PCDH15: variants seen among roughly 807,000 people sequenced by gnomAD.
PCDH15 encodes the protein protocadherin related 15.
In PCDH15, 129 loss-of-function variants were observed where a neutral mutation model predicts 178.5. The observed-to-expected ratio is 0.72, with a 90% CI of 0.63 to 0.84. The LOEUF is 0.84. Ranked by LOEUF, PCDH15 falls within the 40% of genes least tolerant of loss-of-function variation. PCDH15 has a pLI of 0.00. For synonymous variants in PCDH15, 800 were observed against 732.0 expected (o/e 1.09, Z -1.50); for missense variants, 2,230 against 2,099.9 (o/e 1.06, Z -1.21).
chr10:53,823,439 C>CATTACTATTAAATACTTAAAA, intron 32 of PCDH15: 7 of 1,289,034 alleles, frequency 5.4e-6, no homozygotes, highest in Non-Finnish European at 7.9e-6. Context: ...TTATGGCTCT[C>CATTACTATTAAATACTTAAAA]ATTACTATTA....
chr10:54,943,744 G>T (rs1838118708), intron 2 of PCDH15, among the ~76,000 whole-genome samples: 1 of 151,712 alleles, frequency 6.6e-6, no homozygotes, highest in African/African-American at 2.4e-5. Context: ...GAATAAAGTG[G>T]TGATTCCTCT....
chr10:53,978,734 C>A (rs1457207717), intron 21 of PCDH15, among the ~76,000 whole-genome samples: 1 of 150,262 alleles, frequency 6.7e-6, no homozygotes, highest in Non-Finnish European at 1.5e-5. Flanking sequence ...CTTTTGAACA[C>A]TTTGCTACTT....
chr10:55,159,363 ATCTATC>A (rs1401940110), intron 2 of PCDH15, among the ~76,000 whole-genome samples: 15 of 1,784 alleles, frequency 8.4e-3, no homozygotes, highest in African/African-American at 0.012. Flanking sequence ...CTATCTATCT[ATCTATC>A]TATATATATA....
At chr10:53,900,183 A>T (rs1045755993) in intron 26 of PCDH15, among the ~76,000 whole-genome samples, 6 of 145,468 alleles carry the variant, frequency 4.1e-5, no homozygotes, top group Admixed American at 2.7e-4. Context: ...TTGCATAAAC[A>T]CATTCTTTCT....
intron 2 of PCDH15, among the ~76,000 whole-genome samples, chr10:54,636,982 C>T (rs1314423511): frequency 6.6e-6 from 1 of 151,686 alleles, no homozygotes; most frequent in Non-Finnish European, 1.5e-5. Flanking sequence ...TGTGATTCTC[C>T]CAAGTATATA....
intron 2 of PCDH15, among the ~76,000 whole-genome samples, chr10:55,378,616 A>C (rs924891305): frequency 6.6e-6 from 1 of 152,152 alleles, no homozygotes; most frequent in Non-Finnish European, 1.5e-5. Flanking sequence ...AGTAAACAAA[A>C]AAATTCTATA....
At chr10:55,127,690 A>T (rs1170623047) in intron 2 of PCDH15, among the ~76,000 whole-genome samples, 6 of 152,148 alleles carry the variant, frequency 3.9e-5, no homozygotes, top group Non-Finnish European at 7.4e-5. Context: ...TTGCATGCAG[A>T]TTAAATTATC....
intron 8 of PCDH15, among the ~76,000 whole-genome samples, chr10:54,311,338 A>C (rs2133499825): frequency 6.6e-6 from 1 of 152,236 alleles, no homozygotes; most frequent in East Asian, 1.9e-4. Flanking sequence ...AAAAACAGCC[A>C]ACCAATCAAG....
chr10:54,523,655 CA>C (rs2083102484), intron 3 of PCDH15, among the ~76,000 whole-genome samples: 1 of 151,994 alleles, frequency 6.6e-6, no homozygotes, highest in African/African-American at 2.4e-5. Context: ...ATTTTAAGTC[CA>C]AAATATTTTC....
chr10:55,574,524 T>C (rs937246298), intron 2 of PCDH15, among the ~76,000 whole-genome samples: 2 of 152,020 alleles, frequency 1.3e-5, no homozygotes, highest in Admixed American at 6.6e-5. Context: ...TGAAGGATAA[T>C]GTAGGTAGGC....
At chr10:54,768,419 C>T (rs559372250) in intron 1 of PCDH15, among the ~76,000 whole-genome samples, 16 of 152,232 alleles carry the variant, frequency 1.1e-4, no homozygotes, top group Admixed American at 2.6e-4. Context: ...TTACAATCTA[C>T]TTGAGAAAGT....
At chr10:55,475,230 C>G (rs187725584) in intron 2 of PCDH15, among the ~76,000 whole-genome samples, 2 of 152,108 alleles carry the variant, frequency 1.3e-5, no homozygotes, top group East Asian at 3.9e-4. Context: ...CCACTCTGAC[C>G]CAAACACCTC....
intron 2 of PCDH15, among the ~76,000 whole-genome samples, chr10:55,335,201 A>T (rs1467289630): frequency 6.6e-6 from 1 of 152,138 alleles, no homozygotes; most frequent in Non-Finnish European, 1.5e-5. Flanking sequence ...TAAGTTAATC[A>T]ATGACCTCCC....
chr10:54,885,258 C>A (rs920965267), intron 3 of PCDH15, among the ~76,000 whole-genome samples: 1 of 151,664 alleles, frequency 6.6e-6, no homozygotes, highest in Non-Finnish European at 1.5e-5. Context: ...GCAAGGGCTT[C>A]AAGAAGGGGG....
At chr10:54,305,788 A>G (rs2060430829) in intron 8 of PCDH15, among the ~76,000 whole-genome samples, 1 of 151,960 alleles carries the variant, frequency 6.6e-6, no homozygotes. Context: ...CTAAATAACT[A>G]AAGGAGCCAG....
intron 1 of PCDH15, 121 bp downstream of exon 1, chr10:54,800,804 C>T (rs1952595355): frequency 6.6e-6 from 1 of 152,090 alleles, no homozygotes; most frequent in African/African-American, 2.4e-5. Flanking sequence ...TTTCAACAAG[C>T]ATGACAGAAA....
intron 18 of PCDH15, among the ~76,000 whole-genome samples, chr10:54,062,098 G>A (rs1039676978): frequency 2.0e-5 from 3 of 151,414 alleles, no homozygotes; most frequent in African/African-American, 4.8e-5. Context: ...GGTGGAGGTT[G>A]CCTGTAATCC....
intron 29 of PCDH15, among the ~76,000 whole-genome samples, chr10:53,833,619 TATTC>T (rs34432109): frequency 0.079 from 11,971 of 152,102 alleles, 540 homozygotes; most frequent in African/African-American, 0.1. Context: ...TTTTTAAACA[TATTC>T]AGATACTATT....
At chr10:54,734,863 A>AAG (rs34688255) in intron 1 of PCDH15, among the ~76,000 whole-genome samples, 19,046 of 151,914 alleles carry the variant, frequency 0.13, 1,352 homozygotes, top group African/African-American at 0.18. Flanking sequence ...AACTATAAGA[A>AAG]AGAGAAAATT....
Sources: allele counts gnomAD v4.1 joint callset (sites outside exome capture counted in the v4.1 genomes callset), GRCh38; gene constraint gnomAD v4.1.1; transcripts MANE v1.5; gene names NCBI Gene and HGNC (gene_info 2026-07-23, HGNC 2026-07-21).